Variants in FLNB observed in about 807,000 individuals in gnomAD.
FLNB encodes filamin B, also known as filamin-B.
Under a neutral mutation model 250.6 loss-of-function variants are expected in FLNB, and 111 were observed. That is an observed-to-expected ratio of 0.44 (90% CI 0.38 to 0.52). The LOEUF (loss-of-function observed/expected upper bound fraction) is 0.52, where lower values mean the gene tolerates loss of function less well. Ranked by LOEUF, FLNB falls within the 20% of genes least tolerant of loss-of-function variation. FLNB has a pLI of 0.00. For synonymous variants in FLNB, 1,302 were observed against 1,372.1 expected (o/e 0.95, Z 1.13); for missense variants, 2,869 against 3,447.8 (o/e 0.83, Z 4.20).
intron 1 of FLNB, among the ~76,000 whole-genome samples, chr3:58,030,912 C>T (rs2097129945): frequency 6.6e-6 from 1 of 151,982 alleles, no homozygotes; most frequent in African/African-American, 2.4e-5. Flanking sequence ...ATCTTATGTA[C>T]CCCATAAATA....
chr3:58,008,745 C>A lies in FLNB; in HGVS notation c.181C>A (p.Arg61Ser). Residue 61 changes from arginine to serine, a missense_variant, in exon 1 of 46, where the codon CGC becomes AGC. Coordinates refer to ENST00000295956, the MANE Select transcript of FLNB (RefSeq NM_001457.4). The part of the protein sequence containing the change: ...IALLEVLSQK[R>S]MYRKYHQRPT... ...GCTGCTCGAGGTGCTCAGCCAGAAG[C>A]GCATGTACCGCAAGTACCATCAGCG... The A allele has an allele frequency of 6.2e-7, 1 of 1,614,126 alleles. No individual in the cohort carries two copies. Among genetic ancestry groups the A allele is most frequent in the Non-Finnish European group, 8.5e-7 (1 of 1,180,008 alleles).
intron 1 of FLNB, among the ~76,000 whole-genome samples, chr3:58,020,924 T>G (rs1247898338): frequency 6.6e-6 from 1 of 151,786 alleles, no homozygotes; most frequent in East Asian, 1.9e-4. Context: ...GGTGCTACCT[T>G]CCGCCTGTGC....
chr3:58,052,894 T>G (rs753767122), intron 1 of FLNB, among the ~76,000 whole-genome samples: 13 of 152,250 alleles, frequency 8.5e-5, no homozygotes, highest in Non-Finnish European at 1.5e-4. Context: ...TCTACACTTC[T>G]GCCTGTGCCA....
rs886058761 is a variant in FLNB, at chr3:58,102,230, G to A, written c.1373G>A (p.Ser458Asn). The A allele has an allele frequency of 4.3e-6, 7 of 1,614,254 alleles. 1 individual carries two copies. The highest frequency in any genetic ancestry group is 5.9e-6 in the Non-Finnish European group (7 of 1,180,040). Residue 458 changes from serine (S) to asparagine (N), a missense_variant, in exon 9 of 46, where the codon AGT (serine) becomes AAT (asparagine). Around this residue, in one of 5 missense-constraint regions of FLNB, gnomAD observed 1,348 missense variants for 1,466.7 expected, o/e 0.92. Transcript: ENST00000295956. ...EACNPNACRA[S>N]GRGLQPKGVR... Reference sequence around the variant, plus strand: ...TGCAATCCAAATGCCTGCCGGGCCAGTGGCCGAGGCCTACAACCCAAAGGC... The same window carrying A: ...TGCAATCCAAATGCCTGCCGGGCCAATGGCCGAGGCCTACAACCCAAAGGC...
intron 1 of FLNB, among the ~76,000 whole-genome samples, chr3:58,025,133 C>CTTTTTTTTTTTTTTTT (rs57706596): frequency 1.7e-5 from 2 of 116,550 alleles, no homozygotes; most frequent in African/African-American, 3.4e-5. Context: ...TTCTTTCTTT[C>CTTTTTTTTTTTTTTTT]TTTTTTTTTT....
At chr3:58,042,700 G>T (rs1308977160) in intron 1 of FLNB, among the ~76,000 whole-genome samples, 5 of 151,858 alleles carry the variant, frequency 3.3e-5, no homozygotes, top group Non-Finnish European at 2.9e-5. Flanking sequence ...GTTTTTTCTT[G>T]TAGAGGCGGG....
chr3:58,116,050 G>A (rs1303498368), intron 18 of FLNB, among the ~76,000 whole-genome samples: 2 of 152,076 alleles, frequency 1.3e-5, no homozygotes, highest in African/African-American at 4.8e-5. Context: ...ATTAATGGCT[G>A]TGAGTGAGCG....
intron 1 of FLNB, among the ~76,000 whole-genome samples, chr3:58,025,931 CA>C (rs1258811326): frequency 3.9e-5 from 6 of 152,216 alleles, no homozygotes; most frequent in Admixed American, 3.3e-4. Flanking sequence ...CTCAAACAAA[CA>C]AACAAAAAAT....
intron 18 of FLNB, 87 bp from the exon 19 acceptor site, chr3:58,118,785 G>C: frequency 1.1e-6 from 1 of 923,940 alleles, no homozygotes; most frequent in Non-Finnish European, 1.8e-6. Flanking sequence ...CTGTCCGTGA[G>C]AAGAATGAGG....
chr3:58,141,656 C>T (rs1350436137), intron 29 of FLNB, among the ~76,000 whole-genome samples: 1 of 152,206 alleles, frequency 6.6e-6, no homozygotes, highest in African/African-American at 2.4e-5. Flanking sequence ...GGGTTGTGGG[C>T]TCACAGGGCA....
intron 9 of FLNB, 46 bp from the exon 10 acceptor site, chr3:58,103,913 T>A (rs2097255008): frequency 4.3e-6 from 7 of 1,612,374 alleles, no homozygotes; most frequent in Non-Finnish European, 8.5e-7. Flanking sequence ...ATTCTCATTT[T>A]GGGCCTAGGA....
At chr3:58,047,953 A>G (rs935452446) in intron 1 of FLNB, among the ~76,000 whole-genome samples, 6 of 152,176 alleles carry the variant, frequency 3.9e-5, no homozygotes, top group Non-Finnish European at 8.8e-5. Flanking sequence ...ATCTCTAAGA[A>G]AAAGGACATT....
At chr3:58,053,851 C>T (rs1184522234) in intron 1 of FLNB, among the ~76,000 whole-genome samples, 1 of 152,154 alleles carries the variant, frequency 6.6e-6, no homozygotes, top group African/African-American at 2.4e-5. Context: ...AGGGACATGG[C>T]CTCGTCTTCC....
At chr3:58,112,095 A>G (rs2097269798) in intron 17 of FLNB, 54 bp from the exon 18 acceptor site, 3 of 1,574,936 alleles carry the variant, frequency 1.9e-6, no homozygotes, top group South Asian at 2.3e-5. Flanking sequence ...CGGGTTCTCA[A>G]AGTGAAACTA....
At chr3:58,137,768 G>A (rs965855021) in intron 28 of FLNB, among the ~76,000 whole-genome samples, 1 of 152,108 alleles carries the variant, frequency 6.6e-6, no homozygotes, top group African/African-American at 2.4e-5. Context: ...TTGTCAGTGC[G>A]GCAACCCTGG....
chr3:58,089,635 T>C (rs2097222977), intron 4 of FLNB, among the ~76,000 whole-genome samples: 1 of 151,636 alleles, frequency 6.6e-6, no homozygotes, highest in Admixed American at 6.6e-5. Context: ...AAATACAATG[T>C]CCCAGCAAAA....
chr3:58,105,078 A>AGCC lies in FLNB; in HGVS notation c.1611-1_1612dup. ...ATGCTTCTTCTATTCCTTTCCCTGT[A>AGCC]GCCCCTTTGAAGTTCAAGTTGGCCC... On this transcript the variant is annotated splice_acceptor_variant, in intron 10 of 45. Transcript: ENST00000295956. LOFTEE classifies it high-confidence loss of function. The AGCC allele has an allele frequency of 6.2e-7, 1 of 1,614,254 alleles. No individual in the cohort carries two copies. Among genetic ancestry groups the AGCC allele is most frequent in the Non-Finnish European group, 8.5e-7 (1 of 1,180,044 alleles).
intron 1 of FLNB, among the ~76,000 whole-genome samples, chr3:58,022,045 T>A (rs2097114915): frequency 6.6e-6 from 1 of 152,132 alleles, no homozygotes; most frequent in Admixed American, 6.6e-5. Flanking sequence ...AGTGTGGGGA[T>A]TACAGGCATG....
chr3:58,089,966 T>C (rs1480024702), intron 4 of FLNB, among the ~76,000 whole-genome samples: 1 of 152,100 alleles, frequency 6.6e-6, no homozygotes, highest in East Asian at 1.9e-4. Context: ...TTTTTATTTT[T>C]AGTAGAGACG....
Sources: gnomAD v4.1 joint callset for allele counts (sites outside exome capture counted in the v4.1 genomes callset) on GRCh38, gnomAD v4.1.1 for gene constraint, gnomAD v4.1.1 regional missense constraint, MANE v1.5 for transcripts, NCBI Gene and HGNC (gene_info 2026-07-23, HGNC 2026-07-21) for gene names.